The following PRH1 variants were observed in gnomAD, a reference collection of about 807,000 sequenced individuals.
PRH1 encodes the protein proline rich protein HaeIII subfamily 1, also known as salivary acidic proline-rich phosphoprotein 1/2.
In PRH1, 7 loss-of-function variants were observed where a neutral mutation model predicts 7.9. That is an observed-to-expected ratio of 0.89 (90% CI 0.50 to 1.67). The LOEUF is 1.67. Among genes scored for constraint, PRH1 ranks in the 40% most tolerant of loss-of-function variants. The pLI, the probability that PRH1 is intolerant of heterozygous loss-of-function variation, is 0.00. For synonymous variants in PRH1, 45 were observed against 80.8 expected, an observed-to-expected ratio of 0.56 and a Z score of 2.38; for missense variants, 109 against 223.6, an observed-to-expected ratio of 0.49 and a Z score of 3.27.
chr12:10,894,164 C>T (rs757845951), intron 2 of PRH1, among the ~76,000 whole-genome samples: 10 of 152,154 alleles, frequency 6.6e-5, no homozygotes, highest in Non-Finnish European at 1.3e-4. Context: ...CAGCAGTCCT[C>T]CAATTTTGCT....
At chr12:11,002,969 T>A (rs1415443599) in intron 1 of PRH1, among the ~76,000 whole-genome samples, 1 of 152,014 alleles carries the variant, frequency 6.6e-6, no homozygotes, top group Non-Finnish European at 1.5e-5. Flanking sequence ...TTGTACCTTA[T>A]GAAAAATTCC....
At chr12:10,937,216 CTCTCTCTCTCTCTCTCTG>C (rs910911031) in intron 2 of PRH1, among the ~76,000 whole-genome samples, 1 of 150,692 alleles carries the variant, frequency 6.6e-6, no homozygotes, top group African/African-American at 2.5e-5. Flanking sequence ...CTCTCTCTCT[CTCTCTCTCTCTCTCTCTG>C]TGTGTGTGTG....
intron 1 of PRH1, among the ~76,000 whole-genome samples, chr12:11,025,739 T>G (rs560149241): frequency 1.5e-4 from 23 of 152,412 alleles, no homozygotes; most frequent in African/African-American, 5.3e-4. Context: ...CTTCTATGCT[T>G]CATTCTGTGT....
chr12:11,128,580 A>T (rs557820159), intron 1 of PRH1, among the ~76,000 whole-genome samples: 3 of 152,288 alleles, frequency 2.0e-5, no homozygotes, highest in African/African-American at 4.8e-5. Context: ...CCCTGTCTCC[A>T]CTAAAAATAT....
intron 1 of PRH1, among the ~76,000 whole-genome samples, chr12:11,108,485 A>T (rs561267674): frequency 1.3e-5 from 2 of 152,262 alleles, no homozygotes; most frequent in Non-Finnish European, 2.9e-5. Flanking sequence ...TCTCACTGGG[A>T]CTGGTTAGAC....
intron 2 of PRH1, chr12:10,908,709 G>A: frequency 6.2e-7 from 1 of 1,613,874 alleles, no homozygotes; most frequent in Non-Finnish European, 8.5e-7. Flanking sequence ...CAGGAGAAAA[G>A]AGATGAAGGC....
At chr12:11,104,322 C>T (rs1442221168) in intron 1 of PRH1, among the ~76,000 whole-genome samples, 1 of 146,032 alleles carries the variant, frequency 6.8e-6, no homozygotes, top group Non-Finnish European at 1.5e-5. Context: ...GATGATCACT[C>T]ATATGTTTCA....
chr12:11,163,789 C>A (rs1269791477), intron 1 of PRH1, among the ~76,000 whole-genome samples: 1 of 152,164 alleles, frequency 6.6e-6, no homozygotes, highest in Non-Finnish European at 1.5e-5. Flanking sequence ...ATGTGTGTAT[C>A]AGATTTTTTA....
chr12:10,930,614 G>C, intron 2 of PRH1: 1 of 1,607,494 alleles, frequency 6.2e-7, no homozygotes, highest in Non-Finnish European at 8.5e-7. Context: ...ATGAAGACAG[G>C]AGGGTTTTCC....
intron 1 of PRH1, among the ~76,000 whole-genome samples, chr12:11,058,783 A>G (rs981187926): frequency 2.0e-5 from 3 of 152,190 alleles, no homozygotes; most frequent in Non-Finnish European, 2.9e-5. Context: ...GTGCAAGACC[A>G]TTCCCTCTTC....
intron 1 of PRH1, among the ~76,000 whole-genome samples, chr12:10,975,684 G>A (rs550029659): frequency 2.6e-4 from 39 of 151,642 alleles, no homozygotes; most frequent in African/African-American, 9.0e-4. Context: ...CCCATCTCAC[G>A]TGTAATGATA....
chr12:11,068,495 G>T (rs1943919601), intron 1 of PRH1, among the ~76,000 whole-genome samples: 1 of 152,142 alleles, frequency 6.6e-6, no homozygotes, highest in Admixed American at 6.5e-5. Context: ...CATTGTATAA[G>T]TATGCCACAA....
At chr12:11,057,165 C>G (rs1211231689) in intron 1 of PRH1, among the ~76,000 whole-genome samples, 1 of 152,106 alleles carries the variant, frequency 6.6e-6, no homozygotes, top group Non-Finnish European at 1.5e-5. Context: ...CAGCACCACG[C>G]CAGCTAATTT....
intron 1 of PRH1, among the ~76,000 whole-genome samples, chr12:11,056,082 A>AGT (rs1163043526): frequency 0.038 from 4,001 of 104,876 alleles, no homozygotes; most frequent in East Asian, 0.052. Flanking sequence ...AAAATGAAAA[A>AGT]ATAATTTTCT....
intron 1 of PRH1, among the ~76,000 whole-genome samples, chr12:10,977,734 C>A (rs554820879): frequency 6.6e-6 from 1 of 152,256 alleles, no homozygotes; most frequent in South Asian, 2.1e-4. Flanking sequence ...AATCAATGTA[C>A]AAAAATTAGT....
upstream of PRH1, chr12:10,884,265 G>GT (rs753156382): frequency 6.2e-7 from 1 of 1,611,536 alleles, no homozygotes; most frequent in Admixed American, 1.7e-5. Flanking sequence ...TGGGAGAAAC[G>GT]TGTCAGCTCC....
intron 1 of PRH1, among the ~76,000 whole-genome samples, chr12:11,016,722 T>C (rs1941315760): frequency 6.6e-6 from 1 of 152,184 alleles, no homozygotes; most frequent in Non-Finnish European, 1.5e-5. Context: ...CAGTTTGCCG[T>C]TATTGCCTCT....
In PRH1 at chr12:10,993,366, TTAA is replaced by T. The variant is rs373113218; in HGVS notation, c.-125-19648_-125-19646del. On this transcript the variant is annotated intron_variant, in intron 1 of 3. Coordinates refer to the PRH1 transcript ENST00000539853. The stretch of plus-strand genomic sequence containing the variant: ...CAAAACATCATGCTAACTCAATATA[TTAA>T]TAATATTGCATTAACTGTTACCCAT... Among the ~76,000 whole-genome samples the T allele has an allele frequency of 3.4e-4, 52 of 152,304 alleles. No homozygotes were observed. The East Asian group carries it at 8.9e-3, about 26-fold the overall frequency.
At chr12:10,993,353 C>T (rs1940037726) in intron 1 of PRH1, among the ~76,000 whole-genome samples, 1 of 152,170 alleles carries the variant, frequency 6.6e-6, no homozygotes, top group Admixed American at 6.5e-5. Flanking sequence ...AAACATCATG[C>T]TAACTCAATA....
Sources: allele counts gnomAD v4.1 joint callset (sites outside exome capture counted in the v4.1 genomes callset), GRCh38; gene constraint gnomAD v4.1.1; transcripts MANE v1.5; gene names NCBI Gene and HGNC (gene_info 2026-07-23, HGNC 2026-07-21).